DHRS12: variants seen among roughly 807,000 people sequenced by gnomAD.
DHRS12 encodes dehydrogenase/reductase SDR family member 12.
Under a neutral mutation model 32.1 loss-of-function variants are expected in DHRS12, and 29 were observed. The observed-to-expected ratio is 0.90, with a 90% CI of 0.67 to 1.23. The LOEUF (loss-of-function observed/expected upper bound fraction) is 1.23, where lower values mean the gene tolerates loss of function less well. Among genes scored for constraint, DHRS12 ranks in the 50% most tolerant of loss-of-function variants. The pLI is 0.00. For missense variants in DHRS12, 330 were observed against 337.2 expected, an observed-to-expected ratio of 0.98 and a Z score of 0.17; for synonymous variants, 150 against 135.9, an observed-to-expected ratio of 1.10 and a Z score of -0.72.
chr13:51,784,369 G>T (rs535402678), intron 4 of DHRS12, among the ~76,000 whole-genome samples: 1 of 152,206 alleles, frequency 6.6e-6, no homozygotes, highest in African/African-American at 2.4e-5. Flanking sequence ...CCAGGTAGGG[G>T]ACATTCCAGG....
At chr13:51,791,099 C>T in intron 3 of DHRS12, 66 bp downstream of exon 3, 1 of 1,133,346 alleles carries the variant, frequency 8.8e-7, no homozygotes, top group Non-Finnish European at 1.3e-6. Context: ...CATATCCGTC[C>T]ACATCCACAG....
the DHRS12 span, chr13:51,759,624 G>A: frequency 7.3e-6 from 6 of 822,494 alleles, no homozygotes; most frequent in South Asian, 5.3e-5. Flanking sequence ...AATCATGTTA[G>A]TATAGTATGT....
chr13:51,759,912 G>A, the DHRS12 span: 2 of 836,554 alleles, frequency 2.4e-6, no homozygotes, highest in Admixed American at 2.5e-5. Flanking sequence ...TTACCCATGT[G>A]CACAGTGGGG....
chr13:51,801,516 A>G (rs1474995212), intron 1 of DHRS12, among the ~76,000 whole-genome samples: 1 of 152,164 alleles, frequency 6.6e-6, no homozygotes, highest in East Asian at 1.9e-4. Context: ...ATTAATAATG[A>G]CAGTACCGTC....
chr13:51,783,201 C>T (rs115091278), intron 4 of DHRS12, among the ~76,000 whole-genome samples: 2,004 of 152,212 alleles, frequency 0.013, 48 homozygotes, highest in African/African-American at 0.046. Flanking sequence ...CAGTTTAAAC[C>T]AAGAGCCTCG....
intron 2 of DHRS12, among the ~76,000 whole-genome samples, chr13:51,792,261 TTTG>T (rs1955309018): frequency 1.3e-5 from 2 of 152,194 alleles, no homozygotes; most frequent in African/African-American, 4.8e-5. Context: ...ACAAACATTT[TTTG>T]TTTTTTGTTT....
In DHRS12 at chr13:51,791,150, G is replaced by A. The variant is rs557927720; in HGVS notation, c.219+15C>T. On this transcript the variant is annotated intron_variant, in intron 3 of 8. Coordinates refer to ENST00000444610, the MANE Select transcript of DHRS12 (RefSeq NM_001377533.1). Reference sequence around the variant, plus strand: ...CAACATGAATTTATTCTCCACTTATGTTTACAAAGCTCACCAGAACATGGA... The same window carrying A: ...CAACATGAATTTATTCTCCACTTATATTTACAAAGCTCACCAGAACATGGA... The A allele has an allele frequency of 6.6e-7, 1 of 1,523,326 alleles. No homozygotes were observed. The allele number at this position is 1,523,326 out of a possible 1,614,324, so 94.4% of individuals were successfully genotyped here.
At chr13:51,775,844 A>AGTACAT (rs1555270002) in intron 5 of DHRS12, 2 of 125,044 alleles carry the variant, frequency 1.6e-5, no homozygotes, top group African/African-American at 7.8e-5. Flanking sequence ...ATTCTCCTAC[A>AGTACAT]GTATTCTCCT....
chr13:51,793,810 C>T (rs985065131), intron 2 of DHRS12, among the ~76,000 whole-genome samples: 13 of 152,204 alleles, frequency 8.5e-5, no homozygotes, highest in African/African-American at 2.4e-4. Context: ...CCAGAAAGCG[C>T]TGTGTAACAT....
rs1953829614 is a variant in DHRS12 at position 51,768,023 on chromosome 13, G to GTAT, written c.*161_*163dup. 2 of 1,429,342 alleles carry GTAT rather than the reference G, an allele frequency of 1.4e-6. No individual in the cohort carries two copies. Among genetic ancestry groups the GTAT allele is most frequent in the Non-Finnish European group, 1.8e-6 (2 of 1,096,150 alleles). The allele number at this position is 1,429,342 out of a possible 1,614,324, so 88.5% of individuals were successfully genotyped here. On this transcript the variant is annotated 3_prime_UTR_variant, in exon 9 of 9. Transcript: ENST00000444610. ...GGTGAGCCTGATCACAGCCTCGGTA[G>GTAT]TATTTATTTTGAAATAAAAGTTCCC...
At chr13:51,766,060 C>T (rs1953738756), downstream of DHRS12, 2 of 152,158 alleles carry the variant, frequency 1.3e-5, no homozygotes. Context: ...CACATATACA[C>T]TTTTTATCAT....
intron 7 of DHRS12, chr13:51,771,393 G>T (rs1204694139): frequency 6.2e-7 from 1 of 1,614,142 alleles, no homozygotes; most frequent in South Asian, 1.1e-5. Context: ...GTGTCCTTGT[G>T]GCTGGCATTT....
intron 4 of DHRS12, among the ~76,000 whole-genome samples, chr13:51,779,896 C>G (rs1475390598): frequency 2.0e-5 from 3 of 152,028 alleles, no homozygotes; most frequent in Non-Finnish European, 4.4e-5. Context: ...AAGAATGTCT[C>G]CTGGGCGTGG....
At chr13:51,786,133 G>A (rs138221920) in intron 4 of DHRS12, among the ~76,000 whole-genome samples, 6 of 152,338 alleles carry the variant, frequency 3.9e-5, no homozygotes, top group African/African-American at 7.2e-5. Context: ...GTCTCACGAC[G>A]TACATCCTTC....
intron 7 of DHRS12, chr13:51,771,109 T>C: frequency 4.1e-6 from 6 of 1,472,628 alleles, no homozygotes; most frequent in Non-Finnish European, 5.4e-6. Context: ...TGTAAATGGG[T>C]GTGATAATAG....
chr13:51,766,681 C>T (rs1169711819), downstream of DHRS12: 1 of 152,278 alleles, frequency 6.6e-6, no homozygotes, highest in Non-Finnish European at 1.5e-5. Flanking sequence ...TTACTCCGCT[C>T]ACTTTCCCAC....
the DHRS12 span, chr13:51,761,056 C>G: frequency 2.0e-5 from 3 of 152,224 alleles, no homozygotes; most frequent in Admixed American, 6.5e-5. Context: ...TGCTGTATTC[C>G]TCGCCCTCTG....
chr13:51,794,449 A>T (rs1374983907), intron 2 of DHRS12, among the ~76,000 whole-genome samples: 1 of 152,212 alleles, frequency 6.6e-6, no homozygotes, highest in Non-Finnish European at 1.5e-5. Context: ...AGGTCTTGGG[A>T]AGCTAAATCA....
rs145091765 is a variant in DHRS12 at position 51,771,868 on chromosome 13, G to A, written c.512C>T (p.Pro171Leu). ...ATGCATGGAAGAAAAATGGATGGCC[G>A]GGTGCCCTTGGGCCCACCGCTCCGT... is the stretch of plus-strand genomic sequence containing the variant. ...VLTERWAQGH[P>L]AIHFSSMHPG... is the part of the protein sequence containing the mutation. The change falls in exon 7 of 9, where the codon CCG (proline) becomes CTG (leucine). Residue 171 changes from proline (P) to leucine (L), a missense_variant. Pro to Leu is a moderately conservative substitution (Grantham distance 98). Transcript: ENST00000444610. The A allele has an allele frequency of 1.8e-5, 29 of 1,614,080 alleles. No homozygotes were observed. The African/African-American group carries it at 2.3e-4, about 13-fold the overall frequency.
Sources: allele counts gnomAD v4.1 joint callset (sites outside exome capture counted in the v4.1 genomes callset), GRCh38; gene constraint gnomAD v4.1.1; transcripts MANE v1.5; gene names NCBI Gene and HGNC (gene_info 2026-07-23, HGNC 2026-07-21).